EED: variants seen among roughly 807,000 people sequenced by gnomAD.
EED encodes embryonic ectoderm development.
Under a neutral mutation model 61.0 loss-of-function variants are expected in EED, and 9 were observed. The observed-to-expected ratio is 0.15, with a 90% CI of 0.09 to 0.26. The LOEUF (loss-of-function observed/expected upper bound fraction) is 0.26. Among genes scored for constraint, EED ranks in the 10% least tolerant of loss-of-function variants. The probability of loss-of-function intolerance (pLI) is 1.00; values close to 1 mark genes in which losing one functional copy is unlikely to be tolerated. For synonymous variants in EED, 187 were observed against 174.4 expected (o/e 1.07, Z -0.57); for missense variants, 315 against 542.3 (o/e 0.58, Z 4.16).
At chr11:86,278,130 T>A in intron 11 of EED, 139 bp downstream of exon 11, 1 of 1,355,666 alleles carries the variant, frequency 7.4e-7, no homozygotes, top group Non-Finnish European at 9.5e-7. Context: ...TTAAAGTTAT[T>A]CTTTTTTATT....
downstream of EED, among the ~76,000 whole-genome samples, chr11:86,282,169 T>C (rs79805176): frequency 0.058 from 8,777 of 152,328 alleles, 527 homozygotes; most frequent in African/African-American, 0.15. Flanking sequence ...AGAAAGACTT[T>C]AAACAAAATA....
At chr11:86,277,395 T>C (rs1167936832) in intron 10 of EED, 1 of 293,632 alleles carries the variant, frequency 3.4e-6, no homozygotes, top group East Asian at 5.6e-5. Context: ...ATTAGGTGTT[T>C]ATGTTCCATA....
intron 2 of EED, among the ~76,000 whole-genome samples, chr11:86,251,681 A>G (rs982738630): frequency 6.6e-6 from 1 of 152,188 alleles, no homozygotes; most frequent in Admixed American, 6.5e-5. Context: ...GAAAACAGTG[A>G]TTTGAATGGA....
intron 11 of EED, 47 bp downstream of exon 11, chr11:86,278,038 C>T: frequency 6.8e-7 from 1 of 1,477,482 alleles, no homozygotes; most frequent in African/African-American, 1.5e-5. Context: ...TTTTTCTCCA[C>T]ACTTGTATGC....
chr11:86,253,007 C>G (rs1213026562), intron 3 of EED, among the ~76,000 whole-genome samples: 1 of 152,142 alleles, frequency 6.6e-6, no homozygotes, highest in Non-Finnish European at 1.5e-5. Flanking sequence ...CTTGGCCTCC[C>G]AAAGAGCTGG....
Position 86,255,718 on chromosome 11 carries a change from G to GA in EED, c.426+440dup, listed in dbSNP as rs529720129. Among the ~76,000 whole-genome samples, 65 of 146,664 alleles carry GA rather than the reference G, an allele frequency of 4.4e-4. No homozygotes were observed. The South Asian group carries it at 0.012, about 28-fold the overall frequency. ...GTATTTGATCAACGAAGCCTAGGAAGAAAAAAAAAGTTTAGGAAAAATAAA... is the reference window on the plus strand; with the variant it reads ...GTATTTGATCAACGAAGCCTAGGAAGAAAAAAAAAAGTTTAGGAAAAATAAA... On this transcript the variant is annotated intron_variant, in intron 4 of 11. Coordinates refer to ENST00000263360, the MANE Select transcript of EED (RefSeq NM_003797.5).
At chr11:86,257,977 A>G (rs1945720319) in intron 6 of EED, among the ~76,000 whole-genome samples, 1 of 152,210 alleles carries the variant, frequency 6.6e-6, no homozygotes, top group South Asian at 2.1e-4. Flanking sequence ...ATTGCAGTGC[A>G]TTATTTCCAT....
At chr11:86,264,688 T>G (rs1945931115) in intron 7 of EED, 1 of 153,374 alleles carries the variant, frequency 6.5e-6, no homozygotes, top group Non-Finnish European at 1.5e-5. Context: ...TCACACTGTT[T>G]TAGGTAACTT....
Position 86,244,937 on chromosome 11 carries a change from A to G in EED, c.-293A>G, listed in dbSNP as rs1027823336. On this transcript the variant is annotated 5_prime_UTR_variant, in exon 1 of 12. Transcript: ENST00000263360. ...GCCCTCTTAATCCAACGGACCTTAC[A>G]TCGTGTAGACTGCCGGGAGGGCGGC... 5.6e-5 allele frequency: 21 copies of G among 375,684 alleles called. No homozygotes were observed. In the East Asian group the frequency reaches 9.1e-4, roughly 16 times the overall value. The allele number at this position is 375,684 out of a possible 1,614,324, so 23.3% of individuals were successfully genotyped here.
At chr11:86,252,314 T>A in intron 3 of EED, 74 bp downstream of exon 3, 1 of 1,066,694 alleles carries the variant, frequency 9.4e-7, no homozygotes, top group Non-Finnish European at 1.4e-6. Flanking sequence ...TGAAATAGAA[T>A]AATTTCAAAG....
intron 1 of EED, among the ~76,000 whole-genome samples, chr11:86,246,262 A>G (rs1945389072): frequency 6.6e-6 from 1 of 152,264 alleles, no homozygotes; most frequent in African/African-American, 2.4e-5. Context: ...AGGTCAACGA[A>G]GTATCTTGAC....
chr11:86,259,265 G>C (rs1945767248), intron 6 of EED, among the ~76,000 whole-genome samples: 1 of 115,156 alleles, frequency 8.7e-6, no homozygotes, highest in Non-Finnish European at 2.1e-5. Flanking sequence ...TTTGCTCCAA[G>C]TGATACTATC....
At chr11:86,252,302 A>G in intron 3 of EED, 62 bp downstream of exon 3, 4 of 1,169,542 alleles carry the variant, frequency 3.4e-6, no homozygotes, top group Non-Finnish European at 4.9e-6. Context: ...TTAATGTAAT[A>G]TTGAAATAGA....
At chr11:86,286,988 A>G in the EED span, among the ~76,000 whole-genome samples, 1 of 151,266 alleles carries the variant, frequency 6.6e-6, no homozygotes, top group Middle Eastern at 3.4e-3. Context: ...AAAAAAAAAA[A>G]AAAAAAGAAA....
At chr11:86,276,190 A>G (rs983491043) in intron 9 of EED, 9 of 152,206 alleles carry the variant, frequency 5.9e-5, no homozygotes, top group Non-Finnish European at 1.0e-4. Context: ...TTCGTGGGCA[A>G]ACCACTGACC....
chr11:86,273,962 G>C (rs1946173146), intron 9 of EED, among the ~76,000 whole-genome samples: 2 of 152,312 alleles, frequency 1.3e-5, no homozygotes, highest in Non-Finnish European at 2.9e-5. Context: ...ATCTGTAGTA[G>C]ATTGATGTTT....
At position 86,245,182 on chromosome 11, in the gene EED, C is replaced by T; in HGVS notation, c.-48C>T. On this transcript the variant is annotated 5_prime_UTR_variant, in exon 1 of 12. Coordinates refer to ENST00000263360, the MANE Select transcript of EED (RefSeq NM_003797.5). ...CCGGGCTTGCTTGACGGCGGTGTGG[C>T]GGAGGCCCCGCCCCAGGCGGCAGGA... 2 of 1,528,394 alleles carry T rather than the reference C, an allele frequency of 1.3e-6. No homozygotes were observed. Among genetic ancestry groups the T allele is most frequent in the Non-Finnish European group, 9.0e-7 (1 of 1,112,770 alleles). 94.7% of individuals were successfully genotyped at this position (1,528,394 alleles called of 1,614,324 possible).
At chr11:86,262,024 T>G (rs1945842845) in intron 6 of EED, among the ~76,000 whole-genome samples, 1 of 152,216 alleles carries the variant, frequency 6.6e-6, no homozygotes, top group South Asian at 2.1e-4. Flanking sequence ...ATCCTTAATA[T>G]TCTCTCTCAA....
chr11:86,269,316 C>T (rs1946056161), intron 9 of EED, among the ~76,000 whole-genome samples: 1 of 151,646 alleles, frequency 6.6e-6, no homozygotes, highest in South Asian at 2.1e-4. Context: ...TAAGTCAAGG[C>T]CATCTGGGTG....
Sources: gnomAD v4.1 joint callset for allele counts (sites outside exome capture counted in the v4.1 genomes callset) on GRCh38, gnomAD v4.1.1 for gene constraint, MANE v1.5 for transcripts, NCBI Gene and HGNC (gene_info 2026-07-23, HGNC 2026-07-21) for gene names.